Variants in MMAA observed in about 807,000 individuals in gnomAD.
The protein encoded by MMAA is methylmalonic aciduria type A protein, mitochondrial.
In MMAA, 41 loss-of-function variants were observed where a neutral mutation model predicts 45.0. The ratio of observed to expected loss-of-function variants is 0.91; its 90% CI spans 0.71 to 1.18. The LOEUF (loss-of-function observed/expected upper bound fraction) is 1.18. Ranked by LOEUF, MMAA falls within the 50% of genes most tolerant of loss-of-function variation. The pLI is 0.00. For missense variants in MMAA, 460 were observed against 495.7 expected (o/e 0.93, Z 0.68); for synonymous variants, 154 against 178.2 (o/e 0.86, Z 1.08).
intron 1 of MMAA, among the ~76,000 whole-genome samples, chr4:145,629,478 T>C (rs1734279912): frequency 6.6e-6 from 1 of 152,170 alleles, no homozygotes; most frequent in Non-Finnish European, 1.5e-5. Context: ...TCAATAGTTA[T>C]CAAAATTCAT....
chr4:145,628,680 G>A (rs1013484223), intron 1 of MMAA, among the ~76,000 whole-genome samples: 13 of 152,094 alleles, frequency 8.5e-5, no homozygotes, highest in African/African-American at 3.1e-4. Flanking sequence ...TTCCCTATTT[G>A]CCATATAACA....
intron 5 of MMAA, among the ~76,000 whole-genome samples, chr4:145,651,582 G>A (rs1349721975): frequency 6.6e-6 from 1 of 152,218 alleles, no homozygotes; most frequent in Non-Finnish European, 1.5e-5. Flanking sequence ...TTTATAGGGT[G>A]AGGGCAGAGT....
Position 145,635,417 on chromosome 4 carries a change from T to C in MMAA, c.-65-3658T>C, listed in dbSNP as rs914157524. 2.6e-5 allele frequency among the ~76,000 whole-genome samples: 4 copies of C among 152,214 alleles called. No individual in the cohort carries two copies. The East Asian group carries it at 7.7e-4, about 29-fold the overall frequency. On this transcript the variant is annotated intron_variant, in intron 1 of 6. Coordinates refer to ENST00000649156, the MANE Select transcript of MMAA (RefSeq NM_172250.3). Reference sequence around the variant, plus strand: ...CTCTCCCCATCTCACAGAAATGCTCTCTGCATCATGCCACTGCTGCCAGGG... The same window carrying C: ...CTCTCCCCATCTCACAGAAATGCTCCCTGCATCATGCCACTGCTGCCAGGG...
chr4:145,648,963 G>A (rs1483049682), intron 4 of MMAA, among the ~76,000 whole-genome samples: 2 of 151,848 alleles, frequency 1.3e-5, no homozygotes, highest in African/African-American at 2.4e-5. Context: ...CTCCAGCTGG[G>A]GTGACAGAGT....
intron 4 of MMAA, among the ~76,000 whole-genome samples, chr4:145,649,114 C>T (rs1018320161): frequency 1.0e-4 from 14 of 139,392 alleles, no homozygotes. Flanking sequence ...CATAGCAAGC[C>T]TTGGTTCTAT....
chr4:145,647,948 C>G (rs1473718891), intron 4 of MMAA, among the ~76,000 whole-genome samples: 1 of 151,904 alleles, frequency 6.6e-6, no homozygotes, highest in Non-Finnish European at 1.5e-5. Flanking sequence ...CCTCCGCCTC[C>G]CGGGTTCACG....
intron 1 of MMAA, among the ~76,000 whole-genome samples, chr4:145,626,765 G>A (rs928403189): frequency 2.3e-4 from 35 of 152,154 alleles, no homozygotes; most frequent in Non-Finnish European, 4.9e-4. Context: ...GGATTGTTGT[G>A]AGGATTAGCT....
At chr4:145,623,360 A>G (rs1451792079) in intron 1 of MMAA, among the ~76,000 whole-genome samples, 7 of 152,244 alleles carry the variant, frequency 4.6e-5, no homozygotes, top group African/African-American at 1.7e-4. Context: ...AGTTGGTACT[A>G]GGGTTCTTTT....
chr4:145,641,365 T>C (rs1009947724), intron 2 of MMAA, among the ~76,000 whole-genome samples: 1 of 152,220 alleles, frequency 6.6e-6, no homozygotes, highest in African/African-American at 2.4e-5. Flanking sequence ...AACCTGTCTT[T>C]ATTGCAGTTA....
chr4:145,642,779 A>C, intron 3 of MMAA: 1 of 390,898 alleles, frequency 2.6e-6, no homozygotes. Flanking sequence ...TCCATGCATA[A>C]GGCCAGGCCC....
At position 145,655,620 on chromosome 4, in the gene MMAA, G is replaced by T; in HGVS notation, c.*186G>T. On this transcript the variant is annotated 3_prime_UTR_variant, in exon 7 of 7. Coordinates refer to ENST00000649156, the MANE Select transcript of MMAA (RefSeq NM_172250.3). The stretch of plus-strand genomic sequence containing the variant: ...GCAAAAGTTAGGCAGTATTTATAAG[G>T]TACCTGTTTTATGTTACTGATATCT... 1.7e-6 allele frequency: 1 copy of T among 576,280 alleles called. No homozygotes were observed. The highest frequency in any genetic ancestry group is 3.0e-5 in the East Asian group (1 of 33,576). The allele number at this position is 576,280 out of a possible 1,614,324, so 35.7% of individuals were successfully genotyped here. A position where few individuals can be genotyped will look rare whatever the true frequency, so the allele number is the denominator to read the frequency against.
intron 1 of MMAA, among the ~76,000 whole-genome samples, chr4:145,638,368 C>T (rs1300064472): frequency 6.8e-6 from 1 of 147,000 alleles, no homozygotes; most frequent in Non-Finnish European, 1.5e-5. Context: ...GACTCCGTCT[C>T]AAAAAAAAAA....
rs1054381866 is a variant in MMAA, at chr4:145,657,374, T to C, written c.*1940T>C. 2.7e-5 allele frequency: 4 copies of C among 150,740 alleles called. No individual in the cohort carries two copies. Among genetic ancestry groups the C allele is most frequent in the Non-Finnish European group, 5.9e-5 (4 of 67,768 alleles). The allele number at this position is 150,740 out of a possible 1,614,324, so 9.3% of individuals were successfully genotyped here. On this transcript the variant is annotated 3_prime_UTR_variant, in exon 7 of 7. Transcript: ENST00000649156. ...GAGGTAATATAATAATAATGAAATATAGCTTTTTTTTTCAACTCAGAAATC... is the reference window on the plus strand; with the variant it reads ...GAGGTAATATAATAATAATGAAATACAGCTTTTTTTTTCAACTCAGAAATC...
chr4:145,626,712 T>C (rs916761891), intron 1 of MMAA, among the ~76,000 whole-genome samples: 2 of 152,216 alleles, frequency 1.3e-5, no homozygotes, highest in Non-Finnish European at 2.9e-5. Flanking sequence ...ATCAGCCTTA[T>C]GCCGCTGAGC....
chr4:145,642,626 G>A, intron 3 of MMAA, 141 bp downstream of exon 3: 2 of 1,215,546 alleles, frequency 1.6e-6, no homozygotes, highest in Admixed American at 1.7e-5. Context: ...GCAGAGTTAG[G>A]TGGAAGCTGA....
At chr4:145,623,256 A>G (rs1734125661) in intron 1 of MMAA, among the ~76,000 whole-genome samples, 1 of 152,196 alleles carries the variant, frequency 6.6e-6, no homozygotes, top group South Asian at 2.1e-4. Context: ...GTCAAGCTCC[A>G]CTTCCATTAC....
intron 1 of MMAA, chr4:145,624,482 A>G: frequency 1.1e-6 from 1 of 924,846 alleles, no homozygotes; most frequent in African/African-American, 1.7e-5. Flanking sequence ...CTTTCTTAGG[A>G]CTTCCTTCTT....
At chr4:145,635,104 C>G (rs1727575603) in intron 1 of MMAA, among the ~76,000 whole-genome samples, 1 of 152,066 alleles carries the variant, frequency 6.6e-6, no homozygotes, top group Admixed American at 6.6e-5. Context: ...ACCCCCTAGT[C>G]CACTGGCTCT....
intron 1 of MMAA, among the ~76,000 whole-genome samples, chr4:145,627,216 A>G (rs896184830): frequency 6.6e-6 from 1 of 152,240 alleles, no homozygotes; most frequent in Non-Finnish European, 1.5e-5. Context: ...ACATTATTAT[A>G]AATGGACATA....
Sources: gnomAD v4.1 joint callset for allele counts (sites outside exome capture counted in the v4.1 genomes callset) on GRCh38, gnomAD v4.1.1 for gene constraint, MANE v1.5 for transcripts, NCBI Gene and HGNC (gene_info 2026-07-23, HGNC 2026-07-21) for gene names.